The following SPACA7 variants were observed in gnomAD, a reference collection of about 807,000 sequenced individuals.
The protein encoded by SPACA7 is sperm acrosome associated 7.
A neutral mutation model predicts 26.3 loss-of-function variants in SPACA7; 19 were observed. The observed-to-expected ratio is 0.72, with a 90% confidence interval of 0.50 to 1.06. The LOEUF (loss-of-function observed/expected upper bound fraction) is 1.06. SPACA7 is among the 50% of genes least tolerant of loss of function. The pLI is 0.00. For missense variants in SPACA7, 211 were observed against 229.9 expected (o/e 0.92, Z 0.53); for synonymous variants, 84 against 84.5 (o/e 0.99, Z 0.04).
intron 1 of SPACA7, among the ~76,000 whole-genome samples, chr13:112,386,697 A>C (rs986199434): frequency 2.0e-4 from 31 of 152,196 alleles, no homozygotes; most frequent in Non-Finnish European, 4.6e-4. Flanking sequence ...GAAGAGAAAA[A>C]CATAAAGGCC....
intron 4 of SPACA7, among the ~76,000 whole-genome samples, chr13:112,399,958 A>G (rs961331657): frequency 7.2e-5 from 11 of 152,166 alleles, no homozygotes; most frequent in African/African-American, 2.4e-4. Flanking sequence ...AGACCTCATG[A>G]GAACTCACTA....
At chr13:112,385,042 C>T (rs546048648) in intron 1 of SPACA7, among the ~76,000 whole-genome samples, 1 of 152,090 alleles carries the variant, frequency 6.6e-6, no homozygotes, top group African/African-American at 2.4e-5. Flanking sequence ...CTAAGAAAAC[C>T]CTATTATTCG....
intron 5 of SPACA7, among the ~76,000 whole-genome samples, chr13:112,417,369 A>T (rs1463921976): frequency 1.3e-5 from 2 of 151,540 alleles, no homozygotes; most frequent in East Asian, 1.9e-4. Flanking sequence ...TGTTTTTCTG[A>T]CTTACTTTTC....
intron 5 of SPACA7, among the ~76,000 whole-genome samples, chr13:112,407,575 G>T (rs989595454): frequency 7.9e-5 from 12 of 152,252 alleles, no homozygotes; most frequent in Admixed American, 6.5e-4. Context: ...TACCGTCAGA[G>T]AATACTCTAA....
chr13:112,431,335 C>A (rs1023976666), intron 5 of SPACA7, among the ~76,000 whole-genome samples: 5 of 152,102 alleles, frequency 3.3e-5, no homozygotes, highest in Non-Finnish European at 7.4e-5. Flanking sequence ...ACCCAACTTC[C>A]CCATGTAGTC....
chr13:112,411,659 T>G (rs1283391317), intron 5 of SPACA7, among the ~76,000 whole-genome samples: 2 of 152,160 alleles, frequency 1.3e-5, no homozygotes, highest in Admixed American at 6.6e-5. Context: ...AGATCATTTT[T>G]TTTAGCTCCA....
intron 5 of SPACA7, among the ~76,000 whole-genome samples, chr13:112,422,774 G>A (rs1029823639): frequency 6.6e-6 from 1 of 152,172 alleles, no homozygotes; most frequent in African/African-American, 2.4e-5. Flanking sequence ...GCGTCTCACT[G>A]CCAGTGCTCA....
intron 5 of SPACA7, among the ~76,000 whole-genome samples, chr13:112,403,785 T>C (rs1055913408): frequency 2.6e-5 from 4 of 152,218 alleles, no homozygotes; most frequent in Non-Finnish European, 4.4e-5. Context: ...TAGTATTCCA[T>C]AGCATATATA....
intron 1 of SPACA7, among the ~76,000 whole-genome samples, chr13:112,383,207 AAAGGAAAGAAGG>A: frequency 6.9e-6 from 1 of 144,060 alleles, no homozygotes; most frequent in African/African-American, 2.5e-5. Context: ...AGAAAGAAAG[AAAGGAAAGAAGG>A]AAGAAAGAAA....
chr13:112,427,572 G>A (rs889893409), intron 5 of SPACA7, among the ~76,000 whole-genome samples: 1 of 152,104 alleles, frequency 6.6e-6, no homozygotes, highest in Non-Finnish European at 1.5e-5. Context: ...AAATGGGTTG[G>A]GAAGTAGTCT....
At chr13:112,384,965 A>G (rs1884429592) in intron 1 of SPACA7, among the ~76,000 whole-genome samples, 1 of 152,230 alleles carries the variant, frequency 6.6e-6, no homozygotes, top group Admixed American at 6.5e-5. Flanking sequence ...TAGTTTGACC[A>G]TAAGGTAAGA....
At chr13:112,398,291 T>C (rs1885415148) in intron 3 of SPACA7, among the ~76,000 whole-genome samples, 153 bp downstream of exon 3, 1 of 151,900 alleles carries the variant, frequency 6.6e-6, no homozygotes, top group South Asian at 2.1e-4. Context: ...ATATGGCATC[T>C]AAAACCATTT....
chr13:112,420,897 A>G (rs1875890573), intron 5 of SPACA7, among the ~76,000 whole-genome samples: 1 of 152,194 alleles, frequency 6.6e-6, no homozygotes, highest in South Asian at 2.1e-4. Flanking sequence ...ATCAGAAACT[A>G]TATAATCTAG....
chr13:112,376,499 T>C lies in SPACA7; in HGVS notation c.94+20T>C, dbSNP rs905618831. The C allele has an allele frequency of 6.2e-7, 1 of 1,607,072 alleles. No individual in the cohort carries two copies. The highest frequency in any genetic ancestry group is 8.5e-7 in the Non-Finnish European group (1 of 1,176,738). On this transcript the variant is annotated intron_variant, in intron 1 of 6. Transcript: ENST00000283550. ...TTCCAGGTAGGGCCCCACAGGGATG[T>C]CTCAGCAGAAAGAGAACTGAACCAG... is the stretch of plus-strand genomic sequence containing the variant.
chr13:112,430,292 C>T (rs1876970882), intron 5 of SPACA7, among the ~76,000 whole-genome samples: 1 of 151,992 alleles, frequency 6.6e-6, no homozygotes, highest in Non-Finnish European at 1.5e-5. Flanking sequence ...TGCGTAAGTT[C>T]TCACTCCTAA....
At chr13:112,405,770 A>T (rs1885950627) in intron 5 of SPACA7, among the ~76,000 whole-genome samples, 1 of 152,130 alleles carries the variant, frequency 6.6e-6, no homozygotes, top group African/African-American at 2.4e-5. Flanking sequence ...ATTCTCTATT[A>T]TAAATATTTT....
At chr13:112,430,366 C>G (rs996229363) in intron 5 of SPACA7, among the ~76,000 whole-genome samples, 17 of 152,234 alleles carry the variant, frequency 1.1e-4, no homozygotes, top group African/African-American at 4.1e-4. Flanking sequence ...CAGCTGCTTT[C>G]CATCTCTCAG....
intron 5 of SPACA7, among the ~76,000 whole-genome samples, chr13:112,425,642 CAG>C (rs147491873): frequency 1.5e-4 from 23 of 151,532 alleles, no homozygotes; most frequent in East Asian, 9.7e-4. Context: ...CAGAGAGAGA[CAG>C]AGAGAGAGAG....
chr13:112,415,480 T>C (rs983932432), intron 5 of SPACA7, among the ~76,000 whole-genome samples: 2 of 152,096 alleles, frequency 1.3e-5, no homozygotes, highest in African/African-American at 4.8e-5. Flanking sequence ...TGTCTGGAAG[T>C]AATAGCCTGG....
Sources: gnomAD v4.1 joint callset for allele counts (sites outside exome capture counted in the v4.1 genomes callset) on GRCh38, gnomAD v4.1.1 for gene constraint, MANE v1.5 for transcripts, NCBI Gene and HGNC (gene_info 2026-07-23, HGNC 2026-07-21) for gene names.